The following CDH13 variants were observed in gnomAD, a reference collection of about 807,000 sequenced individuals.
CDH13 encodes the protein cadherin 13, also known as cadherin-13.
In CDH13, 24 loss-of-function variants were observed where a neutral mutation model predicts 63.8. The observed-to-expected ratio is 0.38, with a 90% CI of 0.27 to 0.53. CDH13 has a LOEUF of 0.53. Among genes scored for constraint, CDH13 ranks in the 20% least tolerant of loss-of-function variants. CDH13 has a pLI of 0.85. For synonymous variants in CDH13, 503 were observed against 355.3 expected (o/e 1.42, Z -4.67); for missense variants, 1,049 against 903.1 (o/e 1.16, Z -2.07).
At chr16:83,753,870 A>C (rs1342238650) in intron 11 of CDH13, among the ~76,000 whole-genome samples, 1 of 151,904 alleles carries the variant, frequency 6.6e-6, no homozygotes, top group Non-Finnish European at 1.5e-5. Flanking sequence ...TTAATTGTAA[A>C]GGAATCAGGG....
intron 10 of CDH13, chr16:83,710,521 A>T (rs1907868891): frequency 6.6e-6 from 1 of 150,486 alleles, no homozygotes; most frequent in South Asian, 2.1e-4. Context: ...ATGTTGGCAA[A>T]TTCAGGTGTG....
intron 2 of CDH13, among the ~76,000 whole-genome samples, chr16:82,868,822 C>A (rs1419274367): frequency 1.3e-5 from 2 of 152,178 alleles, no homozygotes; most frequent in Admixed American, 6.5e-5. Flanking sequence ...AGTGTTGCGT[C>A]TTCAGAGCAG....
At chr16:83,272,410 T>C (rs1364795906) in intron 5 of CDH13, among the ~76,000 whole-genome samples, 1 of 152,200 alleles carries the variant, frequency 6.6e-6, no homozygotes, top group Non-Finnish European at 1.5e-5. Flanking sequence ...GAGTGAATAT[T>C]TGGATCATGC....
chr16:83,698,433 G>C (rs1263491410), intron 10 of CDH13, among the ~76,000 whole-genome samples: 9 of 152,186 alleles, frequency 5.9e-5, no homozygotes, highest in Admixed American at 2.6e-4. Context: ...CGTTGGCTTT[G>C]ATGAACCTCC....
chr16:83,201,791 C>A (rs1158680058), intron 4 of CDH13, among the ~76,000 whole-genome samples: 1 of 150,962 alleles, frequency 6.6e-6, no homozygotes, highest in Admixed American at 6.6e-5. Context: ...GTAGCGGGTG[C>A]CTGTAGTCCC....
At chr16:83,696,784 T>G (rs367620914) in intron 10 of CDH13, among the ~76,000 whole-genome samples, 12 of 152,284 alleles carry the variant, frequency 7.9e-5, no homozygotes, top group African/African-American at 2.6e-4. Flanking sequence ...ATGACAATAA[T>G]TGCCCTAACT....
At chr16:83,210,715 A>G (rs936398046) in intron 4 of CDH13, among the ~76,000 whole-genome samples, 1 of 151,984 alleles carries the variant, frequency 6.6e-6, no homozygotes, top group Non-Finnish European at 1.5e-5. Context: ...CATTTTCTAT[A>G]CAAGGAAAAA....
intron 2 of CDH13, among the ~76,000 whole-genome samples, chr16:82,930,039 CTTTTTTTTTT>C (rs71146098): frequency 2.1e-5 from 2 of 94,752 alleles, no homozygotes; most frequent in Non-Finnish European, 4.1e-5. Flanking sequence ...TAGTTTGTCT[CTTTTTTTTTT>C]TTTTTTTTTT....
At chr16:83,628,806 G>C (rs1910542762) in intron 8 of CDH13, among the ~76,000 whole-genome samples, 1 of 152,142 alleles carries the variant, frequency 6.6e-6, no homozygotes, top group Admixed American at 6.5e-5. Flanking sequence ...TGGTTGATTT[G>C]TGAAATAAAA....
chr16:82,755,678 A>G (rs2151075792), intron 1 of CDH13, among the ~76,000 whole-genome samples: 1 of 152,346 alleles, frequency 6.6e-6, no homozygotes, highest in Non-Finnish European at 1.5e-5. Flanking sequence ...GATAATTAAA[A>G]CTGTTAAAAT....
chr16:83,254,287 A>T (rs1202388465), intron 5 of CDH13, among the ~76,000 whole-genome samples: 2 of 152,222 alleles, frequency 1.3e-5, no homozygotes. Flanking sequence ...ACTGCTTAGC[A>T]TCATGATCGT....
Position 83,595,511 on chromosome 16 carries a change from C to G in CDH13, c.961-6943C>G, listed in dbSNP as rs1336924964. 2.0e-5 allele frequency among the ~76,000 whole-genome samples: 3 copies of G among 152,188 alleles called. No homozygotes were observed. The East Asian group carries it at 5.8e-4, about 29-fold the overall frequency. On this transcript the variant is annotated intron_variant, in intron 7 of 13. Transcript: ENST00000567109. Reference sequence around the variant, plus strand: ...TTAAACAAGGTAAGCTAAGCACAGTCATAAGCAGCCCTTAAACCTAAAAAA... The same window carrying G: ...TTAAACAAGGTAAGCTAAGCACAGTGATAAGCAGCCCTTAAACCTAAAAAA...
At chr16:82,687,959 C>G (rs1915251208) in intron 1 of CDH13, among the ~76,000 whole-genome samples, 1 of 152,134 alleles carries the variant, frequency 6.6e-6, no homozygotes, top group South Asian at 2.1e-4. Context: ...GTTCGTAGGA[C>G]AACTTTTACT....
intron 7 of CDH13, among the ~76,000 whole-genome samples, chr16:83,565,359 G>C (rs36145158): frequency 0.72 from 107,128 of 148,456 alleles, 39,524 homozygotes; most frequent in Non-Finnish European, 0.81. Context: ...ATGCCCTTGG[G>C]ATTTCCGTTC....
At chr16:83,552,524 C>A (rs1214299739) in intron 7 of CDH13, among the ~76,000 whole-genome samples, 5 of 152,102 alleles carry the variant, frequency 3.3e-5, no homozygotes, top group Admixed American at 6.5e-5. Flanking sequence ...AATGTTGATA[C>A]CGCAGAATAT....
At chr16:82,962,355 C>T (rs185425867) in intron 2 of CDH13, among the ~76,000 whole-genome samples, 96 of 152,286 alleles carry the variant, frequency 6.3e-4, no homozygotes, top group Non-Finnish European at 1.1e-3. Flanking sequence ...TCCAAAAAAG[C>T]GTGGCCCTGC....
chr16:83,389,764 T>A (rs2091748831), intron 6 of CDH13, among the ~76,000 whole-genome samples: 1 of 152,196 alleles, frequency 6.6e-6, no homozygotes, highest in Admixed American at 6.5e-5. Context: ...GGCCTGGGAA[T>A]CTGAAGTGGT....
intron 1 of CDH13, among the ~76,000 whole-genome samples, chr16:82,657,898 A>G (rs1911480449): frequency 6.6e-6 from 1 of 152,154 alleles, no homozygotes; most frequent in South Asian, 2.1e-4. Flanking sequence ...CAATCACTAT[A>G]CCTTTGTTTT....
intron 6 of CDH13, among the ~76,000 whole-genome samples, chr16:83,482,431 G>T (rs1015365566): frequency 6.6e-6 from 1 of 152,234 alleles, no homozygotes; most frequent in Admixed American, 6.5e-5. Context: ...TGCTGTAAGC[G>T]TGCTTAATAG....
Sources: allele counts gnomAD v4.1 joint callset (sites outside exome capture counted in the v4.1 genomes callset), GRCh38; gene constraint gnomAD v4.1.1; transcripts MANE v1.5; gene names NCBI Gene and HGNC (gene_info 2026-07-23, HGNC 2026-07-21).